ISM2: variants seen among roughly 807,000 people sequenced by gnomAD.
The protein encoded by ISM2 is isthmin 2.
In ISM2, 50 loss-of-function variants were observed where a neutral mutation model predicts 58.0. That is an observed-to-expected ratio of 0.86 (90% CI 0.69 to 1.09). The LOEUF is 1.09. ISM2 is among the 50% of genes least tolerant of loss of function. The pLI is 0.00. For synonymous variants in ISM2, 303 were observed against 312.4 expected (o/e 0.97, Z 0.32); for missense variants, 723 against 745.0 (o/e 0.97, Z 0.34).
At position 77,492,705 on chromosome 14, in the gene ISM2, T is replaced by A. The variant is rs12588578; in HGVS notation, c.141+5948A>T. Among the ~76,000 whole-genome samples, 1,398 of 152,120 alleles carry A rather than the reference T, an allele frequency of 9.2e-3. 116 individuals carry two copies. In the East Asian group the frequency reaches 0.21, roughly 23 times the overall value. ...CCCAGCCTCTTTTATTTAATTAATT[T>A]ATTTATTTGAAGACAGGATCGGCCA... On this transcript the variant is annotated intron_variant, in intron 1 of 6. Coordinates refer to ENST00000342219, the MANE Select transcript of ISM2 (RefSeq NM_199296.3).
intron 1 of ISM2, among the ~76,000 whole-genome samples, chr14:77,491,462 C>A (rs187460820): frequency 1.3e-5 from 2 of 152,354 alleles, no homozygotes; most frequent in East Asian, 3.9e-4. Flanking sequence ...GACCTCGGCT[C>A]ACCGCAACCT....
intron 1 of ISM2, among the ~76,000 whole-genome samples, chr14:77,493,209 T>C (rs993617951): frequency 2.0e-5 from 3 of 152,178 alleles, no homozygotes; most frequent in African/African-American, 7.2e-5. Flanking sequence ...TTGCCCAGGC[T>C]GATCTTGAAC....
chr14:77,474,402 T>G lies in ISM2; in HGVS notation c.*1193A>C, dbSNP rs1433632936. On this transcript the variant is annotated 3_prime_UTR_variant, in exon 7 of 7. Coordinates refer to ENST00000342219, the MANE Select transcript of ISM2 (RefSeq NM_199296.3). ...GTCTTCATCAGGCAGAATTTGAAAATAAAGTGCTTTATTGCTGAGGAGCCC... is the reference window on the plus strand; with the variant it reads ...GTCTTCATCAGGCAGAATTTGAAAAGAAAGTGCTTTATTGCTGAGGAGCCC... 1 of 152,148 alleles carries G rather than the reference T, an allele frequency of 6.6e-6. No individual in the cohort carries two copies. The highest frequency in any genetic ancestry group is 1.5e-5 in the Non-Finnish European group (1 of 68,044). The allele number at this position is 152,148 out of a possible 1,614,324, so 9.4% of individuals were successfully genotyped here.
In ISM2 at chr14:77,475,624, C is replaced by T. The variant is rs770954060; in HGVS notation, c.1687G>A (p.Ala563Thr). 1.2e-6 allele frequency: 2 copies of T among 1,603,506 alleles called. No individual in the cohort carries two copies. Among genetic ancestry groups the T allele is most frequent in the Non-Finnish European group, 1.7e-6 (2 of 1,174,284 alleles). ...TACTCCTTGGCCTCCTGCAACTGTG[C>T]TAGGTACTCCTCCTCCAGGGGGTTG... ...TDNPLEEEYLAQLQEAKEY is the reference protein window; with the variant it reads ...TDNPLEEEYLTQLQEAKEY Residue 563 changes from alanine (A) to threonine (T), a missense_variant, in exon 7 of 7, where the codon GCA (alanine) becomes ACA (threonine). By Grantham distance (58) the Ala-to-Thr change is moderately conservative (BLOSUM62 0). Coordinates refer to ENST00000342219, the MANE Select transcript of ISM2 (RefSeq NM_199296.3). This position sits in a 1 kb window ranked among gnomAD's most constrained non-coding sequence, Gnocchi z 4.1.
chr14:77,476,895 G>A (rs1202796255), intron 6 of ISM2, among the ~76,000 whole-genome samples: 1 of 152,120 alleles, frequency 6.6e-6, no homozygotes, highest in Non-Finnish European at 1.5e-5. Context: ...GAAATTAGCC[G>A]GGCTTGGTGG....
chr14:77,476,949 A>G (rs926631841), intron 6 of ISM2, among the ~76,000 whole-genome samples: 15 of 152,160 alleles, frequency 9.9e-5, no homozygotes, highest in African/African-American at 3.6e-4. Flanking sequence ...GAGACATGAG[A>G]ATCACTTGAA....
At chr14:77,477,581 C>T (rs1409719510) in intron 6 of ISM2, among the ~76,000 whole-genome samples, 1 of 152,238 alleles carries the variant, frequency 6.6e-6, no homozygotes, top group Admixed American at 6.5e-5. Context: ...GCAGTGCTCA[C>T]ATGGGTTATG....
chr14:77,476,245 A>AG (rs2079098028), intron 6 of ISM2, 133 bp from the exon 7 acceptor site: 1 of 977,140 alleles, frequency 1.0e-6, no homozygotes, highest in Admixed American at 3.0e-5. Context: ...GTGGCTTGGT[A>AG]GGGCCTTGGG....
Position 77,482,347 on chromosome 14 carries a change from C to A in ISM2, c.948G>T (p.Trp316Cys). Residue 316 changes from tryptophan to cysteine, a missense_variant, in exon 4 of 7, where the codon TGG (tryptophan) becomes TGT (cysteine). Coordinates refer to ENST00000342219, the MANE Select transcript of ISM2 (RefSeq NM_199296.3). ...CGTAGCTGACAGAATCCTTGAAGAC[C>A]CAATCCCCGGGGGCCAGCCAGCCCT... is the stretch of plus-strand genomic sequence containing the variant. ...WDQGWLAPGD[W>C]VFKDSVSYDY... is the part of the protein sequence containing the mutation. The A allele has an allele frequency of 6.2e-7, 1 of 1,613,524 alleles. No homozygotes were observed. The highest frequency in any genetic ancestry group is 8.5e-7 in the Non-Finnish European group (1 of 1,179,798).
Position 77,482,608 on chromosome 14 carries a change from C to T in ISM2, c.687G>A (p.Glu229=), listed in dbSNP as rs1363702373. The T allele has an allele frequency of 1.2e-6, 2 of 1,606,680 alleles. No homozygotes were observed. The highest frequency in any genetic ancestry group is 1.3e-5 in the African/African-American group (1 of 74,734). Residue 229 remains glutamate, a synonymous_variant, in exon 4 of 7, where the codon GAG becomes GAA. Transcript: ENST00000342219. The part of the protein sequence containing the change: ...QAEVSIDLLA[E]PSNPPPQDTL... ...TATCCTGGGGCGGGGGATTGCTGGG[C>T]TCAGCCAACAGGTCTATCGACACCT...
At chr14:77,480,703 A>G (rs978644378) in intron 4 of ISM2, among the ~76,000 whole-genome samples, 1 of 151,742 alleles carries the variant, frequency 6.6e-6, no homozygotes. Flanking sequence ...GACTACAGGC[A>G]GGCGCCGCTG....
At position 77,482,448 on chromosome 14, in the gene ISM2, C is replaced by T; in HGVS notation, c.847G>A (p.Glu283Lys). The T allele has an allele frequency of 1.2e-6, 2 of 1,614,196 alleles. No individual in the cohort carries two copies. Among genetic ancestry groups the T allele is most frequent in the African/African-American group, 1.3e-5 (1 of 75,056 alleles). ...TCTTCCTCTTTGTCCTCTTGATCCT[C>T]ACCCTCGATATCCTCTGAAGGATAG... ...EDYPSEDIEG[E>K]DQEDKEEDEE... Residue 283 changes from glutamate (E) to lysine (K), a missense_variant, in exon 4 of 7, where the codon GAG becomes AAG. Transcript: ENST00000342219.
chr14:77,478,346 A>T, intron 5 of ISM2, 21 bp from the exon 6 acceptor site: 1 of 1,605,842 alleles, frequency 6.2e-7, no homozygotes, highest in Non-Finnish European at 8.5e-7. Flanking sequence ...AAAGGAGGCC[A>T]GGCTGGTGGC....
At chr14:77,485,920 T>A (rs1455744569) in intron 1 of ISM2, among the ~76,000 whole-genome samples, 1 of 152,262 alleles carries the variant, frequency 6.6e-6, no homozygotes, top group African/African-American at 2.4e-5. Context: ...AATATCCTCG[T>A]CTGCAGAATG....
chr14:77,493,067 A>C (rs1467902198), intron 1 of ISM2, among the ~76,000 whole-genome samples: 1 of 151,712 alleles, frequency 6.6e-6, no homozygotes, highest in Non-Finnish European at 1.5e-5. Context: ...AATCAATCAC[A>C]GCTCACTGTA....
chr14:77,493,977 C>T (rs1445377275), intron 1 of ISM2, among the ~76,000 whole-genome samples: 1 of 151,014 alleles, frequency 6.6e-6, no homozygotes, highest in East Asian at 2.0e-4. Context: ...TGGGGTTTCA[C>T]CGTGTTAGCC....
At chr14:77,491,530 A>T (rs1266346800) in intron 1 of ISM2, among the ~76,000 whole-genome samples, 1 of 152,156 alleles carries the variant, frequency 6.6e-6, no homozygotes, top group Non-Finnish European at 1.5e-5. Flanking sequence ...CTGGGATTAC[A>T]GGTGGCTGCC....
rs1404629688 is a variant in ISM2, at chr14:77,475,088, G to A, written c.*507C>T. 2 of 131,370 alleles carry A rather than the reference G, an allele frequency of 1.5e-5. No individual in the cohort carries two copies. Among genetic ancestry groups the A allele is most frequent in the Admixed American group, 8.5e-5 (1 of 11,812 alleles). The allele number at this position is 131,370 out of a possible 1,614,324, so 8.1% of individuals were successfully genotyped here. On this transcript the variant is annotated 3_prime_UTR_variant, in exon 7 of 7. Coordinates refer to ENST00000342219, the MANE Select transcript of ISM2 (RefSeq NM_199296.3). This position sits in a 1 kb window ranked among gnomAD's most constrained non-coding sequence, Gnocchi z 4.1. ...GGCATGTGCACCACCCAGAGATAAG[G>A]AGGGGTGGCCACCCAGGCTGGATGC...
chr14:77,485,315 A>G (rs986824623), intron 1 of ISM2, among the ~76,000 whole-genome samples: 12 of 152,346 alleles, frequency 7.9e-5, no homozygotes, highest in African/African-American at 2.9e-4. Context: ...AGGCCAGAGG[A>G]GAAAGGCCCC....
Sources: allele counts gnomAD v4.1 joint callset (sites outside exome capture counted in the v4.1 genomes callset), GRCh38; gene constraint gnomAD v4.1.1; non-coding constraint Gnocchi (gnomAD v3.1); transcripts MANE v1.5; gene names NCBI Gene and HGNC (gene_info 2026-07-23, HGNC 2026-07-21).